Variants in YIPF5 observed in about 807,000 individuals in gnomAD.
The protein encoded by YIPF5 is protein YIPF5.
YIPF5 carries 8 observed loss-of-function variants against 30.4 expected under a neutral mutation model. The observed-to-expected ratio is 0.26, with a 90% CI of 0.15 to 0.47. The LOEUF (loss-of-function observed/expected upper bound fraction) is 0.47. Ranked by LOEUF, YIPF5 falls within the 20% of genes least tolerant of loss-of-function variation. The pLI is 0.99. For missense variants in YIPF5, 282 were observed against 301.8 expected (o/e 0.93, Z 0.49); for synonymous variants, 104 against 107.9 (o/e 0.96, Z 0.23).
chr5:144,161,333 CTTTTTTTTT>C (rs57703406), intron 5 of YIPF5, among the ~76,000 whole-genome samples: 7 of 64,644 alleles, frequency 1.1e-4, no homozygotes, highest in South Asian at 7.5e-4. Flanking sequence ...CCTTTCCTTC[CTTTTTTTTT>C]TTTTTTTTTT....
chr5:144,160,727 A>C (rs1157493414), intron 5 of YIPF5, among the ~76,000 whole-genome samples, 168 bp from the exon 6 acceptor site: 1 of 152,198 alleles, frequency 6.6e-6, no homozygotes, highest in Non-Finnish European at 1.5e-5. Flanking sequence ...GCTAAAATGT[A>C]CCTCACAGTA....
chr5:144,165,843 C>G (rs1042437035), intron 2 of YIPF5, among the ~76,000 whole-genome samples: 2 of 152,096 alleles, frequency 1.3e-5, no homozygotes, highest in African/African-American at 4.8e-5. Context: ...CCAATATTCA[C>G]TTACATAGCA....
At chr5:144,160,639 T>C (rs1409292968) in intron 5 of YIPF5, 80 bp from the exon 6 acceptor site, 2 of 1,141,870 alleles carry the variant, frequency 1.8e-6, no homozygotes, top group Non-Finnish European at 2.4e-6. Flanking sequence ...CAATAACCTA[T>C]TCTAAAGCAT....
rs1004055242 is a variant in YIPF5 at position 144,159,376 on chromosome 5, ATTT to A, written c.*1018_*1020del. 11 of 984,766 alleles carry A rather than the reference ATTT, an allele frequency of 1.1e-5. No homozygotes were observed. Among genetic ancestry groups the A allele is most frequent in the African/African-American group, 1.7e-5 (1 of 57,204 alleles). The allele number at this position is 984,766 out of a possible 1,614,324, so 61.0% of individuals were successfully genotyped here. A position where few individuals can be genotyped will look rare whatever the true frequency, so the allele number is the denominator to read the frequency against. ...ATATTTTCCTTAAAAAAGGTTAGTG[ATTT>A]TTTTATTATTTTTGGGAAATGTGGC... is the stretch of plus-strand genomic sequence containing the variant. On this transcript the variant is annotated 3_prime_UTR_variant, in exon 6 of 6. Coordinates refer to ENST00000274496, the MANE Select transcript of YIPF5 (RefSeq NM_030799.9).
intron 1 of YIPF5, chr5:144,170,209 T>G: frequency 2.0e-6 from 1 of 487,930 alleles, no homozygotes. Flanking sequence ...ATGCCTTCCA[T>G]TAGGGGCGAG....
rs1276800903 is a variant in YIPF5, at chr5:144,164,252, T to C, written c.288A>G (p.Leu96=). The C allele has an allele frequency of 1.2e-6, 2 of 1,607,096 alleles. No homozygotes were observed. The highest frequency in any genetic ancestry group is 1.7e-6 in the Non-Finnish European group (2 of 1,177,176). The change falls in exon 4 of 6, where the codon TTA becomes TTG. Residue 96 remains leucine, a synonymous_variant. Coordinates refer to ENST00000274496, the MANE Select transcript of YIPF5 (RefSeq NM_030799.9). ...FEDEPPLLEE[L]GINFDHIWQK... The stretch of plus-strand genomic sequence containing the variant: ...GCCAGATGTGGTCAAAATTGATACC[T>C]AACTCTAAAGAGAAAGAAAATTTAA...
chr5:144,168,798 T>C (rs753505524), intron 2 of YIPF5, among the ~76,000 whole-genome samples: 10 of 152,172 alleles, frequency 6.6e-5, no homozygotes, highest in Non-Finnish European at 1.5e-4. Context: ...TGAATTTGAA[T>C]TTTGTTTTGT....
intron 5 of YIPF5, among the ~76,000 whole-genome samples, chr5:144,161,519 T>A (rs1580754347): frequency 6.6e-6 from 1 of 152,136 alleles, no homozygotes; most frequent in East Asian, 1.9e-4. Flanking sequence ...GCTAATTTTG[T>A]ATTTTTAGTA....
Position 144,158,953 on chromosome 5 carries a change from T to G in YIPF5, c.*1444A>C, listed in dbSNP as rs1580751805. On this transcript the variant is annotated 3_prime_UTR_variant, in exon 6 of 6. Transcript: ENST00000274496. ...AGGCAGTATTTTCCTCCCTGTACCA[T>G]ATCTTTCTCGTAACTATAACTGAGC... 4.1e-6 allele frequency: 4 copies of G among 984,174 alleles called. No homozygotes were observed. The South Asian group carries it at 1.4e-4, about 35-fold the overall frequency. The allele number at this position is 984,174 out of a possible 1,614,324, so 61.0% of individuals were successfully genotyped here. A position where few individuals can be genotyped will look rare whatever the true frequency, so the allele number is the denominator to read the frequency against.
At chr5:144,165,909 A>G (rs1185530571) in intron 2 of YIPF5, among the ~76,000 whole-genome samples, 2 of 152,188 alleles carry the variant, frequency 1.3e-5, no homozygotes, top group African/African-American at 4.8e-5. Context: ...AAATGTAAAA[A>G]TTGTGTCTAT....
chr5:144,158,874 T>TA lies in YIPF5; in HGVS notation c.*1522dup. ...ACTTGTTCTAAAAAAGAACCATTGA[T>TA]ACATCATTTTGACATTTCTATTTAG... On this transcript the variant is annotated 3_prime_UTR_variant, in exon 6 of 6. Transcript: ENST00000274496. 1.0e-6 allele frequency: 1 copy of TA among 983,036 alleles called. No individual in the cohort carries two copies. The highest frequency in any genetic ancestry group is 1.2e-6 in the Non-Finnish European group (1 of 828,556). 60.9% of individuals were successfully genotyped at this position (983,036 alleles called of 1,614,324 possible).
At position 144,159,617 on chromosome 5, in the gene YIPF5, T is replaced by C. The variant is rs1433932543; in HGVS notation, c.*780A>G. 2 of 985,276 alleles carry C rather than the reference T, an allele frequency of 2.0e-6. No individual in the cohort carries two copies. The highest frequency in any genetic ancestry group is 1.2e-6 in the Non-Finnish European group (1 of 829,930). 61.0% of individuals were successfully genotyped at this position (985,276 alleles called of 1,614,324 possible). On this transcript the variant is annotated 3_prime_UTR_variant, in exon 6 of 6. Coordinates refer to ENST00000274496, the MANE Select transcript of YIPF5 (RefSeq NM_030799.9). ...CATACTCTACATTTGGATCACTTTTTTGCTTTGAGTTACCTGACTTGAGAA... is the reference window on the plus strand; with the variant it reads ...CATACTCTACATTTGGATCACTTTTCTGCTTTGAGTTACCTGACTTGAGAA...
chr5:144,169,718 T>A (rs1752310261), intron 2 of YIPF5, 128 bp downstream of exon 2: 1 of 749,890 alleles, frequency 1.3e-6, no homozygotes, highest in Non-Finnish European at 2.2e-6. Flanking sequence ...AGGAAGAAGA[T>A]TATGCATGAA....
chr5:144,160,008 G>A lies in YIPF5; in HGVS notation c.*389C>T, dbSNP rs1137133. The A allele has an allele frequency of 2.1e-5, 21 of 988,998 alleles. No homozygotes were observed. Among genetic ancestry groups the A allele is most frequent in the Admixed American group, 1.2e-4 (2 of 16,476 alleles). 61.3% of individuals were successfully genotyped at this position (988,998 alleles called of 1,614,324 possible). On this transcript the variant is annotated 3_prime_UTR_variant, in exon 6 of 6. Coordinates refer to ENST00000274496, the MANE Select transcript of YIPF5 (RefSeq NM_030799.9). ...CAGGCGTGAGCTACCACGCCCGGCCGTCTTGTGTCTTCTTTACTGTGACTG... is the reference window on the plus strand; with the variant it reads ...CAGGCGTGAGCTACCACGCCCGGCCATCTTGTGTCTTCTTTACTGTGACTG...
intron 2 of YIPF5, 89 bp downstream of exon 2, chr5:144,169,757 C>A: frequency 9.5e-7 from 1 of 1,053,398 alleles, no homozygotes; most frequent in South Asian, 1.4e-5. Context: ...AGGACATGTT[C>A]ACATATTGTT....
At position 144,158,460 on chromosome 5, in the gene YIPF5, C is replaced by T; in HGVS notation, c.*1937G>A. The T allele has an allele frequency of 8.6e-6, 11 of 1,272,964 alleles. No homozygotes were observed. Among genetic ancestry groups the T allele is most frequent in the Non-Finnish European group, 1.1e-5 (11 of 983,658 alleles). The allele number at this position is 1,272,964 out of a possible 1,614,324, so 78.9% of individuals were successfully genotyped here. On this transcript the variant is annotated 3_prime_UTR_variant, in exon 6 of 6. Transcript: ENST00000274496. ...CAACAAAAAAGAAAATAATTTGATC[C>T]ATATGTGATATTTGGCTGAAGATTA... is the stretch of plus-strand genomic sequence containing the variant.
intron 5 of YIPF5, among the ~76,000 whole-genome samples, chr5:144,161,774 T>A (rs1752053775): frequency 6.6e-6 from 1 of 152,238 alleles, no homozygotes; most frequent in Admixed American, 6.5e-5. Flanking sequence ...AAAGAATACA[T>A]TTCATTTCCA....
chr5:144,165,502 C>G lies in YIPF5; in HGVS notation c.213G>C (p.Gln71His). ...PYTGQIYQPT[Q>H]AYTPASPQPF... is the part of the protein sequence containing the mutation. The stretch of plus-strand genomic sequence containing the variant: ...GCTGAGGTGAAGCTGGAGTATATGC[C>G]TGAGTTGGCTGGTAAATCTGCCCGG... Residue 71 changes from glutamine (Q) to histidine (H), a missense_variant, in exon 3 of 6, where the codon CAG becomes CAC. Coordinates refer to ENST00000274496, the MANE Select transcript of YIPF5 (RefSeq NM_030799.9). 2 of 1,614,094 alleles carry G rather than the reference C, an allele frequency of 1.2e-6. No homozygotes were observed. Among genetic ancestry groups the G allele is most frequent in the Non-Finnish European group, 1.7e-6 (2 of 1,180,016 alleles).
rs530900080 is a variant in YIPF5 at position 144,162,207 on chromosome 5, A to C, written c.611+11T>G. ...GGTCAATCAACCCCCAAAATAAAGA[A>C]CAGTACTTACTGCAAAGAAAATATC... On this transcript the variant is annotated intron_variant, in intron 5 of 5. Transcript: ENST00000274496. 4 of 1,612,102 alleles carry C rather than the reference A, an allele frequency of 2.5e-6. No homozygotes were observed. In the South Asian group the frequency reaches 4.4e-5, roughly 18 times the overall value.
Sources: gnomAD v4.1 joint callset for allele counts (sites outside exome capture counted in the v4.1 genomes callset) on GRCh38, gnomAD v4.1.1 for gene constraint, MANE v1.5 for transcripts, NCBI Gene and HGNC (gene_info 2026-07-23, HGNC 2026-07-21) for gene names.